Variants in KCNIP4 observed in about 807,000 individuals in gnomAD.
The protein encoded by KCNIP4 is potassium voltage-gated channel interacting protein 4.
In KCNIP4, 12 loss-of-function variants were observed where a neutral mutation model predicts 34.0. The ratio of observed to expected loss-of-function variants is 0.35; its 90% CI spans 0.23 to 0.57. The LOEUF (loss-of-function observed/expected upper bound fraction) is 0.57. KCNIP4 is among the 20% of genes least tolerant of loss of function. The pLI is 0.83. For synonymous variants in KCNIP4, 124 were observed against 102.2 expected, an observed-to-expected ratio of 1.21 and a Z score of -1.29; for missense variants, 238 against 311.7, an observed-to-expected ratio of 0.76 and a Z score of 1.78.
At chr4:21,375,825 C>T (rs1720914482) in intron 1 of KCNIP4, among the ~76,000 whole-genome samples, 1 of 152,116 alleles carries the variant, frequency 6.6e-6, no homozygotes, top group African/African-American at 2.4e-5. Context: ...CCTCAGCCTC[C>T]CAAAGTGCTG....
intron 3 of KCNIP4, among the ~76,000 whole-genome samples, chr4:20,833,381 A>G (rs1718656458): frequency 6.6e-6 from 1 of 152,128 alleles, no homozygotes; most frequent in Admixed American, 6.5e-5. Flanking sequence ...GCTACTCAGG[A>G]GGCTGAGGCA....
chr4:21,234,688 C>T (rs1346834527), intron 1 of KCNIP4, among the ~76,000 whole-genome samples: 1 of 149,700 alleles, frequency 6.7e-6, no homozygotes, highest in Admixed American at 6.7e-5. Flanking sequence ...CTCACTGTCA[C>T]CCAGGCTGGA....
intron 1 of KCNIP4, among the ~76,000 whole-genome samples, chr4:21,260,580 T>C (rs541059228): frequency 0.01 from 817 of 80,416 alleles, 3 homozygotes; most frequent in Non-Finnish European, 0.019. Flanking sequence ...GCTGGAACTT[T>C]TCTTAATGCC....
chr4:21,361,698 T>C (rs1392529813), intron 1 of KCNIP4, among the ~76,000 whole-genome samples: 1 of 151,830 alleles, frequency 6.6e-6, no homozygotes, highest in Non-Finnish European at 1.5e-5. Context: ...TCTCCTTTTT[T>C]TTTCCCATAG....
At chr4:21,150,876 A>G (rs550045480) in intron 1 of KCNIP4, among the ~76,000 whole-genome samples, 1 of 152,346 alleles carries the variant, frequency 6.6e-6, no homozygotes, top group South Asian at 2.1e-4. Context: ...CAAGTTGGCC[A>G]TTATTTCTTG....
At chr4:21,180,410 C>G (rs1037125725) in intron 1 of KCNIP4, among the ~76,000 whole-genome samples, 1 of 151,872 alleles carries the variant, frequency 6.6e-6, no homozygotes, top group Non-Finnish European at 1.5e-5. Flanking sequence ...TTCTGCTTTG[C>G]AAATATTAAA....
intron 1 of KCNIP4, among the ~76,000 whole-genome samples, chr4:21,084,411 G>A (rs1746246798): frequency 6.7e-6 from 1 of 149,570 alleles, no homozygotes. Context: ...CAATGATGGG[G>A]CAGTGGATAA....
At chr4:21,384,022 G>C (rs1013672914) in intron 1 of KCNIP4, among the ~76,000 whole-genome samples, 4 of 152,000 alleles carry the variant, frequency 2.6e-5, no homozygotes, top group Admixed American at 2.6e-4. Context: ...TTCTTGCAGG[G>C]CCACAAGAGC....
intron 1 of KCNIP4, among the ~76,000 whole-genome samples, chr4:21,278,528 T>G (rs1762578534): frequency 6.6e-6 from 1 of 152,204 alleles, no homozygotes; most frequent in South Asian, 2.1e-4. Context: ...ATTATCTCCT[T>G]CTTTTTTATG....
intron 1 of KCNIP4, among the ~76,000 whole-genome samples, chr4:21,595,126 G>A (rs1437391429): frequency 1.3e-5 from 2 of 152,020 alleles, no homozygotes; most frequent in African/African-American, 4.8e-5. Context: ...TTGTCCTAAT[G>A]CTATCCCTAC....
chr4:21,168,018 A>G (rs565336710), intron 1 of KCNIP4, among the ~76,000 whole-genome samples: 15 of 152,328 alleles, frequency 9.8e-5, no homozygotes, highest in African/African-American at 3.6e-4. Context: ...CATTATCATT[A>G]CAAAGATGGT....
intron 1 of KCNIP4, among the ~76,000 whole-genome samples, chr4:21,729,123 T>C (rs1344108737): frequency 1.3e-5 from 2 of 152,156 alleles, no homozygotes; most frequent in East Asian, 3.9e-4. Flanking sequence ...AGTGCTTAAA[T>C]CTGAGCACCT....
chr4:20,917,101 A>G (rs918354672), intron 1 of KCNIP4, among the ~76,000 whole-genome samples: 5 of 144,648 alleles, frequency 3.5e-5, no homozygotes, highest in African/African-American at 1.3e-4. Context: ...GCGGTGGCAC[A>G]ATCTCGGCTC....
At chr4:21,747,321 C>G (rs752130282) in intron 1 of KCNIP4, among the ~76,000 whole-genome samples, 2 of 152,110 alleles carry the variant, frequency 1.3e-5, no homozygotes, top group Non-Finnish European at 2.9e-5. Flanking sequence ...CTCTGTTCAG[C>G]TTTTCTACCT....
At chr4:21,678,038 C>T (rs1274051656) in intron 1 of KCNIP4, among the ~76,000 whole-genome samples, 2 of 152,180 alleles carry the variant, frequency 1.3e-5, no homozygotes, top group African/African-American at 4.8e-5. Flanking sequence ...AGGCGTGAGC[C>T]ACTGCGCCTG....
At chr4:21,491,550 A>G (rs1732399633) in intron 1 of KCNIP4, among the ~76,000 whole-genome samples, 1 of 151,738 alleles carries the variant, frequency 6.6e-6, no homozygotes, top group Non-Finnish European at 1.5e-5. Flanking sequence ...AATTTTTTTT[A>G]TTTTTATTAA....
rs528711070 is a variant in KCNIP4, at chr4:21,711,231, T to C, written c.61+237340A>G. On this transcript the variant is annotated intron_variant, in intron 1 of 8. Transcript: ENST00000382152. ...GCTCACGCCTGTAATCCCAGCACTT[T>C]GGGAGGCTCAGGTAGGCAGATCATG... Among the ~76,000 whole-genome samples, 15 of 152,314 alleles carry C rather than the reference T, an allele frequency of 9.8e-5. No homozygotes were observed. The East Asian group carries it at 2.5e-3, about 25-fold the overall frequency.
At chr4:21,378,514 C>T (rs554073363) in intron 1 of KCNIP4, among the ~76,000 whole-genome samples, 34 of 152,218 alleles carry the variant, frequency 2.2e-4, no homozygotes, top group African/African-American at 7.5e-4. Context: ...AAGGATCATT[C>T]CAAAAGTCGG....
chr4:20,913,213 A>G (rs944277349), intron 1 of KCNIP4, among the ~76,000 whole-genome samples: 15 of 152,178 alleles, frequency 9.9e-5, no homozygotes, highest in African/African-American at 3.6e-4. Context: ...GTGCTACCAC[A>G]GAGGTGGATC....
Sources: gnomAD v4.1 joint callset for allele counts (sites outside exome capture counted in the v4.1 genomes callset) on GRCh38, gnomAD v4.1.1 for gene constraint, MANE v1.5 for transcripts, NCBI Gene and HGNC (gene_info 2026-07-23, HGNC 2026-07-21) for gene names.